The following SLC36A1 variants were observed in gnomAD, a reference collection of about 807,000 sequenced individuals.
SLC36A1 encodes the protein proton-coupled amino acid transporter 1.
Under a neutral mutation model 47.5 loss-of-function variants are expected in SLC36A1, and 30 were observed. The ratio of observed to expected loss-of-function variants is 0.63; its 90% confidence interval spans 0.47 to 0.86. The LOEUF (loss-of-function observed/expected upper bound fraction) is 0.86. SLC36A1 is among the 40% of genes least tolerant of loss of function. The probability of loss-of-function intolerance (pLI) is 0.00; values close to 1 mark genes in which losing one functional copy is unlikely to be tolerated. For missense variants in SLC36A1, 517 were observed against 606.0 expected, an observed-to-expected ratio of 0.85 and a Z score of 1.54; for synonymous variants, 255 against 249.7, an observed-to-expected ratio of 1.02 and a Z score of -0.20.
the SLC36A1 span, among the ~76,000 whole-genome samples, chr5:151,398,192 C>T: frequency 6.6e-6 from 1 of 152,198 alleles, no homozygotes; most frequent in African/African-American, 2.4e-5. Context: ...TAACAGGAAT[C>T]ACCCTCTACC....
chr5:151,407,755 A>G, the SLC36A1 span, among the ~76,000 whole-genome samples: 1 of 152,138 alleles, frequency 6.6e-6, no homozygotes, highest in Admixed American at 6.5e-5. Flanking sequence ...TCTGGAGCCA[A>G]TTTTTGGGGT....
chr5:151,412,211 G>T, the SLC36A1 span, among the ~76,000 whole-genome samples: 3 of 144,442 alleles, frequency 2.1e-5, 1 homozygote, highest in Non-Finnish European at 4.6e-5. Context: ...TTTCCCATGG[G>T]TTGTTTTGTT....
chr5:151,511,922 TC>T, the SLC36A1 span: 1 of 546,232 alleles, frequency 1.8e-6, no homozygotes, highest in South Asian at 2.3e-5. Flanking sequence ...GCCCCTGAGG[TC>T]CCCATTCATA....
upstream of SLC36A1, among the ~76,000 whole-genome samples, chr5:151,433,551 A>G (rs1044416434): frequency 6.6e-6 from 1 of 151,050 alleles, no homozygotes; most frequent in African/African-American, 2.4e-5. Flanking sequence ...TTGGCCTTCC[A>G]AAGTGCTGGG....
the SLC36A1 span, among the ~76,000 whole-genome samples, chr5:151,502,936 GAT>G: frequency 6.7e-6 from 1 of 148,192 alleles, no homozygotes; most frequent in Non-Finnish European, 1.5e-5. Context: ...GCCCTGAAAA[GAT>G]ATGGAGGAAT....
the SLC36A1 span, among the ~76,000 whole-genome samples, chr5:151,429,209 T>A: frequency 7.3e-4 from 111 of 152,058 alleles, no homozygotes; most frequent in Non-Finnish European, 8.5e-4. Flanking sequence ...TTTTTTAAAA[T>A]TTTTTTTATT....
chr5:151,527,510 G>T, the SLC36A1 span: 1 of 807,086 alleles, frequency 1.2e-6, no homozygotes, highest in Non-Finnish European at 1.8e-6. Context: ...CTGCCCACCC[G>T]TAGCATTTTA....
chr5:151,529,551 T>TGA, the SLC36A1 span, among the ~76,000 whole-genome samples: 1 of 151,608 alleles, frequency 6.6e-6, no homozygotes, highest in African/African-American at 2.4e-5. Context: ...GCTATCCCCT[T>TGA]GACCCCCTTC....
At chr5:151,455,245 C>T (rs1296576682) in intron 1 of SLC36A1, among the ~76,000 whole-genome samples, 1 of 152,090 alleles carries the variant, frequency 6.6e-6, no homozygotes, top group Admixed American at 6.5e-5. Context: ...TCTCTCATGT[C>T]CTAATGCAAC....
the SLC36A1 span, among the ~76,000 whole-genome samples, chr5:151,411,818 C>G: frequency 9.0e-5 from 13 of 144,458 alleles, 3 homozygotes; most frequent in Non-Finnish European, 1.5e-4. Flanking sequence ...CCAAACCAAA[C>G]CAAACCAAAC....
the SLC36A1 span, among the ~76,000 whole-genome samples, chr5:151,378,905 G>C: frequency 6.6e-6 from 1 of 152,230 alleles, no homozygotes; most frequent in East Asian, 1.9e-4. Flanking sequence ...CACCCAGCAG[G>C]CTGGACCGTG....
the SLC36A1 span, among the ~76,000 whole-genome samples, chr5:151,536,857 G>GC: frequency 6.6e-6 from 1 of 152,214 alleles, no homozygotes; most frequent in Non-Finnish European, 1.5e-5. Flanking sequence ...ATTTGGCTCT[G>GC]CCCACCCTGG....
At chr5:151,471,731 A>G (rs561832050) in intron 7 of SLC36A1, among the ~76,000 whole-genome samples, 4 of 152,334 alleles carry the variant, frequency 2.6e-5, no homozygotes, top group African/African-American at 9.6e-5. Flanking sequence ...TTCAAAAGCA[A>G]TATTACTGCT....
chr5:151,515,511 C>G, the SLC36A1 span, among the ~76,000 whole-genome samples: 2 of 152,236 alleles, frequency 1.3e-5, no homozygotes, highest in African/African-American at 2.4e-5. Context: ...CTTACACATC[C>G]GAAACTGCAC....
the SLC36A1 span, among the ~76,000 whole-genome samples, chr5:151,515,414 T>C: frequency 6.6e-6 from 1 of 152,144 alleles, no homozygotes; most frequent in Non-Finnish European, 1.5e-5. Context: ...CGCTGAAGAC[T>C]CCCAGATCTC....
At chr5:151,496,981 C>A (rs1009764174), downstream of SLC36A1, among the ~76,000 whole-genome samples, 3 of 152,030 alleles carry the variant, frequency 2.0e-5, no homozygotes, top group Non-Finnish European at 4.4e-5. Flanking sequence ...ATCCTGTGAC[C>A]TTTCTGTACT....
At chr5:151,422,588 C>CATGG in the SLC36A1 span, among the ~76,000 whole-genome samples, 4 of 152,046 alleles carry the variant, frequency 2.6e-5, no homozygotes, top group Non-Finnish European at 4.4e-5. Flanking sequence ...ATTAGCTGGG[C>CATGG]ATGGTGGTGC....
the SLC36A1 span, chr5:151,545,168 G>A: frequency 6.2e-7 from 1 of 1,614,190 alleles, no homozygotes; most frequent in African/African-American, 1.3e-5. Context: ...AGAATCACCA[G>A]TGCCTTTCTG....
At chr5:151,473,893 C>T (rs1352275511) in intron 8 of SLC36A1, 122 bp downstream of exon 8, 3 of 798,100 alleles carry the variant, frequency 3.8e-6, no homozygotes, top group Non-Finnish European at 6.3e-6. Context: ...GGCATGGTGG[C>T]TCACGCCTGT....
Sources: gnomAD v4.1 joint callset for allele counts (sites outside exome capture counted in the v4.1 genomes callset) on GRCh38, gnomAD v4.1.1 for gene constraint, MANE v1.5 for transcripts, NCBI Gene and HGNC (gene_info 2026-07-23, HGNC 2026-07-21) for gene names.